Variants in HACE1 observed in about 807,000 individuals in gnomAD.
HACE1 encodes the protein E3 ubiquitin-protein ligase HACE1.
In HACE1, 73 loss-of-function variants were observed where a neutral mutation model predicts 118.4. That is an observed-to-expected ratio of 0.62 (90% CI 0.51 to 0.75). The LOEUF (loss-of-function observed/expected upper bound fraction) is 0.75, where lower values mean the gene tolerates loss of function less well. Ranked by LOEUF, HACE1 falls within the 30% of genes least tolerant of loss-of-function variation. The pLI is 0.00. For synonymous variants in HACE1, 368 were observed against 374.8 expected, an observed-to-expected ratio of 0.98 and a Z score of 0.21; for missense variants, 749 against 1,102.2, an observed-to-expected ratio of 0.68 and a Z score of 4.54.
chr6:104,784,312 G>C (rs1220304661), intron 13 of HACE1, 105 bp downstream of exon 13: 4 of 904,656 alleles, frequency 4.4e-6, no homozygotes, highest in Non-Finnish European at 7.4e-6. Context: ...TTGTTATTGA[G>C]CATATTTTGA....
intron 7 of HACE1, among the ~76,000 whole-genome samples, chr6:104,805,815 C>T (rs919312991): frequency 1.7e-4 from 26 of 151,780 alleles, no homozygotes; most frequent in African/African-American, 4.1e-4. Flanking sequence ...GTAACAAACC[C>T]GCACGTTGTG....
intron 19 of HACE1, among the ~76,000 whole-genome samples, chr6:104,750,703 T>C (rs1259727132): frequency 3.3e-5 from 5 of 152,052 alleles, no homozygotes; most frequent in African/African-American, 1.2e-4. Context: ...TACTATCAGA[T>C]CTACCTTTAA....
chr6:104,853,817 G>A (rs1188911535), intron 1 of HACE1, among the ~76,000 whole-genome samples: 3 of 151,958 alleles, frequency 2.0e-5, no homozygotes. Flanking sequence ...TTATCCGCAG[G>A]GGATACATTC....
intron 1 of HACE1, among the ~76,000 whole-genome samples, chr6:104,854,665 A>G (rs1776550131): frequency 6.6e-6 from 1 of 152,060 alleles, no homozygotes. Flanking sequence ...CAAACTGTAT[A>G]TGGACTTGGT....
chr6:104,748,136 C>A, intron 20 of HACE1, among the ~76,000 whole-genome samples: 2 of 150,996 alleles, frequency 1.3e-5, no homozygotes, highest in South Asian at 2.1e-4. Flanking sequence ...TATGTTAAAC[C>A]CCAAAATTTT....
chr6:104,854,614 A>C (rs1200264382), intron 1 of HACE1, among the ~76,000 whole-genome samples: 1 of 152,176 alleles, frequency 6.6e-6, no homozygotes, highest in Non-Finnish European at 1.5e-5. Context: ...AAAAAAAAAA[A>C]CTGTAAAAGG....
At chr6:104,807,407 T>C (rs1771129079) in intron 7 of HACE1, among the ~76,000 whole-genome samples, 1 of 152,208 alleles carries the variant, frequency 6.6e-6, no homozygotes, top group Admixed American at 6.5e-5. Context: ...CAAATCCATG[T>C]TCTAAATCTT....
intron 5 of HACE1, 54 bp from the exon 6 acceptor site, chr6:104,833,227 C>T (rs1462490112): frequency 6.8e-7 from 1 of 1,476,556 alleles, no homozygotes; most frequent in African/African-American, 1.4e-5. Context: ...TATATAAAAA[C>T]AGCAGATAAA....
intron 19 of HACE1, among the ~76,000 whole-genome samples, chr6:104,758,435 T>C (rs921368625): frequency 1.2e-4 from 19 of 152,192 alleles, no homozygotes; most frequent in African/African-American, 4.1e-4. Context: ...CAGAATTTCA[T>C]ATCCAGCCAA....
At chr6:104,832,953 T>A (rs1774154767) in intron 6 of HACE1, 89 bp downstream of exon 6, 1 of 1,219,282 alleles carries the variant, frequency 8.2e-7, no homozygotes, top group Admixed American at 1.7e-5. Flanking sequence ...ATGCTTCATG[T>A]TCCCAAATAT....
chr6:104,821,164 C>G (rs1772672212), intron 6 of HACE1, among the ~76,000 whole-genome samples: 1 of 151,958 alleles, frequency 6.6e-6, no homozygotes, highest in Non-Finnish European at 1.5e-5. Flanking sequence ...CAGAGGGGAA[C>G]AATATACACT....
intron 6 of HACE1, among the ~76,000 whole-genome samples, chr6:104,817,472 C>T (rs915779233): frequency 3.1e-4 from 47 of 152,288 alleles, no homozygotes; most frequent in Admixed American, 2.3e-3. Context: ...TTGTAAGTTT[C>T]CTGAGGCCTT....
At chr6:104,730,282 A>T in intron 23 of HACE1, 21 bp downstream of exon 23, 2 of 1,080,144 alleles carry the variant, frequency 1.9e-6, no homozygotes, top group Non-Finnish European at 2.9e-6. Flanking sequence ...TAAAGCATTT[A>T]AATAAACCAA....
rs752254680 is a variant in HACE1, at chr6:104,777,264, T to C, written c.1620A>G (p.Pro540=). ...WFYEHLHSGQ[P]DSDMVHRPVN... ...CTGGCCTGTGCACCATATCTGAATCTGGCTGTCCTGAATGCAAATGTTCAT... is the reference window on the plus strand; with the variant it reads ...CTGGCCTGTGCACCATATCTGAATCCGGCTGTCCTGAATGCAAATGTTCAT... Residue 540 remains proline, a synonymous_variant, in exon 15 of 24, where the codon CCA becomes CCG. Coordinates refer to ENST00000262903, the MANE Select transcript of HACE1 (RefSeq NM_020771.4). The C allele has an allele frequency of 2.4e-5, 38 of 1,613,936 alleles. No individual in the cohort carries two copies. The highest frequency in any genetic ancestry group is 3.0e-5 in the Non-Finnish European group (35 of 1,179,774).
chr6:104,841,965 T>C (rs1199621678), intron 5 of HACE1, among the ~76,000 whole-genome samples: 1 of 152,174 alleles, frequency 6.6e-6, no homozygotes, highest in Non-Finnish European at 1.5e-5. Flanking sequence ...CATAAACTTA[T>C]TTTTGCAAAG....
intron 19 of HACE1, among the ~76,000 whole-genome samples, chr6:104,769,188 C>G (rs898449722): frequency 1.3e-5 from 2 of 152,114 alleles, no homozygotes; most frequent in Admixed American, 6.6e-5. Context: ...CCACACAAAA[C>G]TAGGCCTGGC....
intron 19 of HACE1, among the ~76,000 whole-genome samples, chr6:104,754,332 A>T (rs1183023469): frequency 6.6e-6 from 1 of 152,226 alleles, no homozygotes; most frequent in Non-Finnish European, 1.5e-5. Flanking sequence ...AACATACTTC[A>T]GGATATCATA....
At chr6:104,830,281 C>A (rs1409877943) in intron 6 of HACE1, among the ~76,000 whole-genome samples, 3 of 152,116 alleles carry the variant, frequency 2.0e-5, no homozygotes, top group South Asian at 2.1e-4. Flanking sequence ...CATTTCACAT[C>A]TTTTTTTCCC....
intron 11 of HACE1, among the ~76,000 whole-genome samples, chr6:104,788,328 G>A (rs1470363511): frequency 7.9e-5 from 12 of 151,976 alleles, no homozygotes; most frequent in Non-Finnish European, 1.5e-5. Flanking sequence ...GATCCTTACT[G>A]AAGAATTATA....
Sources: gnomAD v4.1 joint callset for allele counts (sites outside exome capture counted in the v4.1 genomes callset) on GRCh38, gnomAD v4.1.1 for gene constraint, MANE v1.5 for transcripts, NCBI Gene and HGNC (gene_info 2026-07-23, HGNC 2026-07-21) for gene names.